Variants in MYO3A observed in about 807,000 individuals in gnomAD.
The protein encoded by MYO3A is myosin-IIIa.
Under a neutral mutation model 192.7 loss-of-function variants are expected in MYO3A, and 180 were observed. The observed-to-expected ratio is 0.93, with a 90% CI of 0.83 to 1.06. The LOEUF is 1.06. Ranked by LOEUF, MYO3A falls within the 50% of genes least tolerant of loss-of-function variation. The pLI is 0.00. For synonymous variants in MYO3A, 628 were observed against 645.3 expected (o/e 0.97, Z 0.41); for missense variants, 1,896 against 1,905.0 (o/e 1.00, Z 0.09).
intron 4 of MYO3A, among the ~76,000 whole-genome samples, chr10:25,990,545 G>T (rs1839950043): frequency 1.3e-5 from 2 of 150,908 alleles, no homozygotes; most frequent in Non-Finnish European, 2.9e-5. Context: ...AAGTTCTAGG[G>T]TACATGTGCA....
chr10:25,965,226 A>G (rs1467869548), intron 4 of MYO3A, among the ~76,000 whole-genome samples: 1 of 152,166 alleles, frequency 6.6e-6, no homozygotes, highest in Non-Finnish European at 1.5e-5. Context: ...CTTTAAGGCC[A>G]ATAACTCTTA....
At chr10:26,149,892 T>C (rs941122862) in intron 23 of MYO3A, among the ~76,000 whole-genome samples, 4 of 152,180 alleles carry the variant, frequency 2.6e-5, no homozygotes, top group East Asian at 1.9e-4. Flanking sequence ...CCACAACTAC[T>C]AGTAACCACC....
intron 2 of MYO3A, among the ~76,000 whole-genome samples, chr10:25,939,413 C>G (rs774509068): frequency 6.6e-6 from 1 of 151,752 alleles, no homozygotes. Context: ...ATAATTTTAG[C>G]TTTTCTTCCT....
rs1400323091 is a variant in MYO3A, at chr10:26,169,684, C to T, written c.3275-732C>T. On this transcript the variant is annotated intron_variant, in intron 28 of 34. Transcript: ENST00000642920. ...TTCAAGAGATTAACATTCCAATCCC[C>T]GTTCTGTCAATCAGCAATGAGTCAT... 2.0e-5 allele frequency among the ~76,000 whole-genome samples: 3 copies of T among 152,142 alleles called. No homozygotes were observed. The East Asian group carries it at 5.8e-4, about 29-fold the overall frequency.
At chr10:26,205,463 C>CTT (rs759042803) in intron 34 of MYO3A, among the ~76,000 whole-genome samples, 7,129 of 98,540 alleles carry the variant, frequency 0.072, 300 homozygotes, top group Non-Finnish European at 0.1. Context: ...GTGTGCTTGT[C>CTT]TTTTTTTTTT....
chr10:26,165,759 A>G, intron 26 of MYO3A: 1 of 414,448 alleles, frequency 2.4e-6, no homozygotes, highest in Non-Finnish European at 4.4e-6. Flanking sequence ...AGGTAGCGAA[A>G]AAACAAAAAC....
chr10:25,936,483 G>A (rs1267669117), intron 2 of MYO3A, among the ~76,000 whole-genome samples: 3 of 151,948 alleles, frequency 2.0e-5, no homozygotes, highest in Admixed American at 2.0e-4. Flanking sequence ...CCTTTCATTA[G>A]TTTTGTCCGG....
intron 6 of MYO3A, among the ~76,000 whole-genome samples, chr10:26,013,228 T>C (rs899047835): frequency 5.3e-5 from 8 of 152,094 alleles, no homozygotes; most frequent in Admixed American, 2.6e-4. Context: ...AAAGAATTCA[T>C]GACTAAGACC....
intron 17 of MYO3A, among the ~76,000 whole-genome samples, chr10:26,097,212 T>G (rs751456366): frequency 8.8e-4 from 134 of 152,178 alleles, no homozygotes; most frequent in Non-Finnish European, 1.4e-3. Flanking sequence ...TCTGACTTCA[T>G]CCCTACTTTC....
At chr10:26,126,991 T>A (rs548039413) in intron 19 of MYO3A, among the ~76,000 whole-genome samples, 86 of 152,184 alleles carry the variant, frequency 5.7e-4, no homozygotes, top group Non-Finnish European at 9.4e-4. Flanking sequence ...ATGCTGGGCT[T>A]TGCCACTATC....
chr10:26,007,511 G>A (rs1841308027), intron 6 of MYO3A, among the ~76,000 whole-genome samples: 1 of 152,038 alleles, frequency 6.6e-6, no homozygotes, highest in African/African-American at 2.4e-5. Context: ...ATCTGCTTAA[G>A]CTGATAAGCA....
At chr10:26,000,601 C>T (rs899199099) in intron 6 of MYO3A, among the ~76,000 whole-genome samples, 1 of 150,032 alleles carries the variant, frequency 6.7e-6, no homozygotes, top group Non-Finnish European at 1.5e-5. Context: ...TTCAGGGATA[C>T]ACCACAGGGT....
At chr10:26,151,294 G>C (rs1441338653) in intron 23 of MYO3A, among the ~76,000 whole-genome samples, 1 of 151,744 alleles carries the variant, frequency 6.6e-6, no homozygotes, top group African/African-American at 2.4e-5. Flanking sequence ...GGCTATAGCT[G>C]TCAATTTGTC....
rs34416918 is a variant in MYO3A, at chr10:26,039,207, ATT to A, written c.953+12698_953+12699del. Among the ~76,000 whole-genome samples the A allele has an allele frequency of 1.0e-3, 110 of 106,838 alleles. 1 individual carries two copies. Among genetic ancestry groups the A allele is most frequent in the African/African-American group, 1.3e-3 (33 of 25,618 alleles). The allele number at this position is 106,838 out of a possible 152,430, so 70.1% of individuals were successfully genotyped here. A position where few individuals can be genotyped will look rare whatever the true frequency, so the allele number is the denominator to read the frequency against. ...AGGCAGGCACCACCAGGCTCGGCTA[ATT>A]TTTTTTTTTTTTTTTTTTTTTTGTA... is the stretch of plus-strand genomic sequence containing the variant. On this transcript the variant is annotated intron_variant, in intron 10 of 34. Transcript: ENST00000642920.
At chr10:26,148,783 GTTT>G (rs1007029675) in intron 23 of MYO3A, among the ~76,000 whole-genome samples, 1 of 152,058 alleles carries the variant, frequency 6.6e-6, no homozygotes, top group African/African-American at 2.4e-5. Context: ...TGAAATTCTG[GTTT>G]TTGCCAGTAT....
chr10:26,045,434 A>T (rs909031020), intron 10 of MYO3A, among the ~76,000 whole-genome samples: 2 of 150,860 alleles, frequency 1.3e-5, no homozygotes, highest in Non-Finnish European at 1.5e-5. Flanking sequence ...TTATGTATGT[A>T]TGAAAACATG....
intron 17 of MYO3A, among the ~76,000 whole-genome samples, chr10:26,115,235 C>T (rs1367761199): frequency 2.0e-5 from 3 of 152,074 alleles, no homozygotes; most frequent in South Asian, 2.1e-4. Flanking sequence ...GACGGATCGG[C>T]GAGTGGCAAG....
intron 17 of MYO3A, among the ~76,000 whole-genome samples, chr10:26,098,778 T>A (rs1018802915): frequency 6.6e-6 from 1 of 152,208 alleles, no homozygotes; most frequent in African/African-American, 2.4e-5. Flanking sequence ...TACATCTCTG[T>A]TTTGGTACCA....
At chr10:26,136,187 C>T (rs1589017662) in intron 20 of MYO3A, among the ~76,000 whole-genome samples, 1 of 152,142 alleles carries the variant, frequency 6.6e-6, no homozygotes, top group Non-Finnish European at 1.5e-5. Context: ...ATTCTTCCTT[C>T]CTTGACCTAA....
Sources: gnomAD v4.1 joint callset for allele counts (sites outside exome capture counted in the v4.1 genomes callset) on GRCh38, gnomAD v4.1.1 for gene constraint, MANE v1.5 for transcripts, NCBI Gene and HGNC (gene_info 2026-07-23, HGNC 2026-07-21) for gene names.